DGKB: variants seen among roughly 807,000 people sequenced by gnomAD.
The protein encoded by DGKB is 90 kDa diacylglycerol kinase.
Under a neutral mutation model 114.3 loss-of-function variants are expected in DGKB, and 67 were observed. The observed-to-expected ratio is 0.59, with a 90% CI of 0.48 to 0.72. DGKB has a LOEUF of 0.72. Ranked by LOEUF, DGKB falls within the 30% of genes least tolerant of loss-of-function variation. The pLI is 0.00. For missense variants in DGKB, 907 were observed against 975.2 expected (o/e 0.93, Z 0.93); for synonymous variants, 398 against 323.1 (o/e 1.23, Z -2.49).
chr7:14,857,258 T>TTGTGTGTGTG (rs140695633), intron 1 of DGKB, among the ~76,000 whole-genome samples: 44,856 of 138,122 alleles, frequency 0.32, 8,414 homozygotes, highest in Non-Finnish European at 0.44. Flanking sequence ...CTGTGTGTGT[T>TTGTGTGTGTG]TGTGTGTGTG....
At chr7:14,897,056 C>T (rs143991453) in intron 1 of DGKB, among the ~76,000 whole-genome samples, 34 of 151,824 alleles carry the variant, frequency 2.2e-4, no homozygotes, top group East Asian at 1.2e-3. Context: ...TAAATAGCTG[C>T]GCATTTCTCA....
chr7:14,232,419 C>CTTA (rs200968117), intron 23 of DGKB, among the ~76,000 whole-genome samples: 1 of 148,942 alleles, frequency 6.7e-6, no homozygotes, highest in Non-Finnish European at 1.5e-5. Flanking sequence ...TAAAGGTTGG[C>CTTA]TTATTATTAT....
chr7:14,949,699 G>A (rs1168081668), intron 1 of DGKB, among the ~76,000 whole-genome samples: 1 of 151,678 alleles, frequency 6.6e-6, no homozygotes, highest in Non-Finnish European at 1.5e-5. Flanking sequence ...ATGAACACAG[G>A]CATACCATAG....
At chr7:14,709,076 G>T (rs1378873013) in intron 6 of DGKB, among the ~76,000 whole-genome samples, 1 of 144,262 alleles carries the variant, frequency 6.9e-6, no homozygotes, top group Admixed American at 7.0e-5. Flanking sequence ...TCTGACAAAG[G>T]GCTAATATCC....
At chr7:14,784,137 T>C (rs184930247) in intron 2 of DGKB, among the ~76,000 whole-genome samples, 9 of 152,244 alleles carry the variant, frequency 5.9e-5, no homozygotes, top group Admixed American at 5.2e-4. Flanking sequence ...AATTAGATTA[T>C]GATATATATT....
intron 1 of DGKB, among the ~76,000 whole-genome samples, chr7:14,870,183 C>T (rs1408207599): frequency 6.6e-6 from 1 of 152,072 alleles, no homozygotes; most frequent in East Asian, 1.9e-4. Context: ...GCCCACAGAG[C>T]CATATACTCA....
chr7:14,863,212 TGTGA>T (rs1326291718), intron 1 of DGKB, among the ~76,000 whole-genome samples: 3 of 151,804 alleles, frequency 2.0e-5, no homozygotes, highest in African/African-American at 4.8e-5. Flanking sequence ...ATTGTGTGTG[TGTGA>T]GTTTGTGTGT....
In DGKB at chr7:14,841,186, A is replaced by C. The variant is rs1213437997; in HGVS notation, c.70+8T>G. On this transcript the variant is annotated splice_region_variant and intron_variant, in intron 2 of 25. Coordinates refer to ENST00000402815, the MANE Select transcript of DGKB (RefSeq NM_001350709.2). ...AAATAATCTCATAATATCAATATGA[A>C]TACTTACACTCAGCATATTTCTGAA... is the stretch of plus-strand genomic sequence containing the variant. 1 of 1,606,490 alleles carries C rather than the reference A, an allele frequency of 6.2e-7. No homozygotes were observed. The highest frequency in any genetic ancestry group is 8.5e-7 in the Non-Finnish European group (1 of 1,174,592).
chr7:14,834,345 T>C (rs1562664338), intron 2 of DGKB, among the ~76,000 whole-genome samples: 2 of 152,310 alleles, frequency 1.3e-5, no homozygotes, highest in Middle Eastern at 6.8e-3. Flanking sequence ...GGTTCTATTT[T>C]ACTCCTGTGA....
chr7:14,712,516 C>T (rs1180452674), intron 6 of DGKB, among the ~76,000 whole-genome samples: 1 of 151,856 alleles, frequency 6.6e-6, no homozygotes, highest in Non-Finnish European at 1.5e-5. Flanking sequence ...TACTAAAATA[C>T]AAAAATTAGC....
chr7:14,900,570 C>T (rs1389834589), intron 1 of DGKB, among the ~76,000 whole-genome samples: 3 of 152,088 alleles, frequency 2.0e-5, no homozygotes, highest in African/African-American at 7.2e-5. Context: ...CTACAACTCT[C>T]CGTTCTTTCA....
chr7:14,231,495 A>AAGAG (rs1405515635), intron 23 of DGKB, among the ~76,000 whole-genome samples: 1 of 152,026 alleles, frequency 6.6e-6, no homozygotes, highest in African/African-American at 2.4e-5. Flanking sequence ...TAGCATTTGA[A>AAGAG]AGAGATATAT....
chr7:14,514,966 C>A (rs1013200946), intron 20 of DGKB, among the ~76,000 whole-genome samples: 8 of 152,076 alleles, frequency 5.3e-5, no homozygotes, highest in African/African-American at 1.7e-4. Flanking sequence ...ATCACTTGAA[C>A]CCAGGAGGTC....
intron 1 of DGKB, among the ~76,000 whole-genome samples, chr7:14,846,956 T>C (rs1197222422): frequency 6.6e-6 from 1 of 151,980 alleles, no homozygotes; most frequent in Non-Finnish European, 1.5e-5. Flanking sequence ...TAGAAGTCAG[T>C]ATTTCATGAC....
At chr7:14,422,799 T>A (rs1383557444) in intron 21 of DGKB, among the ~76,000 whole-genome samples, 1 of 151,976 alleles carries the variant, frequency 6.6e-6, no homozygotes, top group Non-Finnish European at 1.5e-5. Context: ...ATGATAATAA[T>A]AATAGTAGTA....
chr7:14,300,657 T>G (rs1190508959), intron 23 of DGKB, among the ~76,000 whole-genome samples: 1 of 152,136 alleles, frequency 6.6e-6, no homozygotes, highest in African/African-American at 2.4e-5. Context: ...GTTGGTTTTT[T>G]AAAGACATGC....
chr7:14,397,280 C>T lies in DGKB; in HGVS notation c.1836-51889G>A, dbSNP rs573080284. On this transcript the variant is annotated intron_variant, in intron 21 of 25. Transcript: ENST00000402815. ...GGGCAGGGGATAAGAATTGTGAGTG[C>T]GCTGACCTGTGGGAGTTTGCCGTTC... 5.9e-5 allele frequency among the ~76,000 whole-genome samples: 9 copies of T among 152,156 alleles called. No homozygotes were observed. In the East Asian group the frequency reaches 7.7e-4, roughly 13 times the overall value.
At chr7:14,400,535 G>T (rs1822937823) in intron 21 of DGKB, among the ~76,000 whole-genome samples, 7 of 151,782 alleles carry the variant, frequency 4.6e-5, no homozygotes, top group Admixed American at 4.0e-4. Context: ...TGTTCAGAAA[G>T]ATTTGTCATT....
At chr7:14,753,694 C>A (rs1234467684) in intron 4 of DGKB, among the ~76,000 whole-genome samples, 1 of 152,026 alleles carries the variant, frequency 6.6e-6, no homozygotes, top group Non-Finnish European at 1.5e-5. Flanking sequence ...ACACTTGAGA[C>A]CCTTTTTGTC....
Sources: gnomAD v4.1 joint callset for allele counts (sites outside exome capture counted in the v4.1 genomes callset) on GRCh38, gnomAD v4.1.1 for gene constraint, MANE v1.5 for transcripts, NCBI Gene and HGNC (gene_info 2026-07-23, HGNC 2026-07-21) for gene names.